DGKI: variants seen among roughly 807,000 people sequenced by gnomAD.
The protein encoded by DGKI is diacylglycerol kinase iota, also known as DAG kinase iota.
DGKI carries 55 observed loss-of-function variants against 147.5 expected under a neutral mutation model. The observed-to-expected ratio is 0.37, with a 90% CI of 0.30 to 0.47. The LOEUF is 0.47. Among genes scored for constraint, DGKI ranks in the 20% least tolerant of loss-of-function variants. The probability of loss-of-function intolerance (pLI) is 1.00; values close to 1 mark genes in which losing one functional copy is unlikely to be tolerated. For missense variants in DGKI, 1,007 were observed against 1,323.8 expected, an observed-to-expected ratio of 0.76 and a Z score of 3.71; for synonymous variants, 469 against 477.1, an observed-to-expected ratio of 0.98 and a Z score of 0.22.
At chr7:137,814,065 T>C (rs1797667532) in intron 1 of DGKI, among the ~76,000 whole-genome samples, 1 of 152,052 alleles carries the variant, frequency 6.6e-6, no homozygotes, top group African/African-American at 2.4e-5. Flanking sequence ...CGATCAATGG[T>C]TTGTCCTTTC....
Position 137,618,151 on chromosome 7 carries a change from A to ATATATATATATATATATATT in DGKI, c.993+1672_993+1673insAATATATATATATATATATA. Among the ~76,000 whole-genome samples, 4 of 10,460 alleles carry ATATATATATATATATATATT rather than the reference A, an allele frequency of 3.8e-4. 1 individual carries two copies. The highest frequency in any genetic ancestry group is 0.022 in the South Asian group (1 of 46). 6.9% of individuals were successfully genotyped at this position (10,460 alleles called of 152,430 possible). A position where few individuals can be genotyped will look rare whatever the true frequency, so the allele number is the denominator to read the frequency against. On this transcript the variant is annotated intron_variant, in intron 8 of 32. Coordinates refer to ENST00000614521, the MANE Select transcript of DGKI (RefSeq NM_001321708.2). Reference sequence around the variant, plus strand: ...ACTATATATATATATATATATATATATTTTTTTTTTTTTACTCTATCATTC... The same window carrying ATATATATATATATATATATT: ...ACTATATATATATATATATATATATATATATATATATATATATATTTTTTTTTTTTTTTACTCTATCATTC...
intron 27 of DGKI, among the ~76,000 whole-genome samples, chr7:137,455,629 T>A (rs1401095449): frequency 1.1e-4 from 8 of 71,980 alleles, no homozygotes; most frequent in African/African-American, 2.9e-4. Flanking sequence ...CCAGAAAAGT[T>A]AAAAAAAAAA....
intron 30 of DGKI, among the ~76,000 whole-genome samples, chr7:137,401,545 T>C (rs1811762137): frequency 6.6e-6 from 1 of 151,984 alleles, no homozygotes. Context: ...ATAAAGATAA[T>C]TGAATTCCTT....
intron 20 of DGKI, among the ~76,000 whole-genome samples, chr7:137,551,843 C>G (rs1037297485): frequency 6.6e-6 from 1 of 152,004 alleles, no homozygotes; most frequent in Non-Finnish European, 1.5e-5. Flanking sequence ...AGTTGAAGCC[C>G]CAGAGTATGG....
chr7:137,429,007 C>T (rs1429024027), intron 28 of DGKI, among the ~76,000 whole-genome samples: 2 of 151,696 alleles, frequency 1.3e-5, no homozygotes, highest in East Asian at 3.9e-4. Flanking sequence ...AATGCCATCC[C>T]CATCAAGCTA....
At chr7:137,704,587 G>A (rs1041230483) in intron 1 of DGKI, among the ~76,000 whole-genome samples, 2 of 152,096 alleles carry the variant, frequency 1.3e-5, no homozygotes, top group African/African-American at 4.8e-5. Flanking sequence ...GAGAAAAGGG[G>A]GCAAAAAGAA....
chr7:137,596,038 GAAAGA>G (rs372020748), intron 12 of DGKI, among the ~76,000 whole-genome samples: 1,579 of 112,340 alleles, frequency 0.014, 47 homozygotes, highest in African/African-American at 0.048. Context: ...AAAAAAGAAA[GAAAGA>G]AAAGAAAAGG....
intron 27 of DGKI, among the ~76,000 whole-genome samples, chr7:137,451,476 T>C (rs1167731153): frequency 1.3e-5 from 2 of 152,210 alleles, no homozygotes; most frequent in Non-Finnish European, 2.9e-5. Flanking sequence ...TTCAAAGCCT[T>C]TTATCTTTCT....
chr7:137,655,790 T>G (rs754294725), intron 4 of DGKI, among the ~76,000 whole-genome samples: 1 of 152,136 alleles, frequency 6.6e-6, no homozygotes, highest in Non-Finnish European at 1.5e-5. Context: ...CTCAAGAACA[T>G]AGATAATACA....
At chr7:137,827,058 A>G (rs1798078652) in intron 1 of DGKI, among the ~76,000 whole-genome samples, 1 of 152,176 alleles carries the variant, frequency 6.6e-6, no homozygotes, top group Admixed American at 6.5e-5. Flanking sequence ...CAGACAGAAC[A>G]GGGGTCCCCC....
intron 14 of DGKI, among the ~76,000 whole-genome samples, chr7:137,582,861 C>T (rs1451617999): frequency 6.6e-6 from 1 of 152,214 alleles, no homozygotes; most frequent in African/African-American, 2.4e-5. Flanking sequence ...TTCTGCGACT[C>T]AAGTGGAAGG....
chr7:137,562,615 T>C (rs1378971866), intron 19 of DGKI, among the ~76,000 whole-genome samples: 2 of 152,178 alleles, frequency 1.3e-5, no homozygotes, highest in Non-Finnish European at 2.9e-5. Context: ...AAATTACTTG[T>C]ATCCAGAATG....
At chr7:137,560,477 C>T (rs1818382624) in intron 19 of DGKI, among the ~76,000 whole-genome samples, 1 of 152,068 alleles carries the variant, frequency 6.6e-6, no homozygotes, top group Non-Finnish European at 1.5e-5. Flanking sequence ...AGCATAAATG[C>T]AAAGAAAACC....
chr7:137,471,237 G>A (rs1214565119), intron 23 of DGKI, among the ~76,000 whole-genome samples: 2 of 152,120 alleles, frequency 1.3e-5, no homozygotes, highest in Non-Finnish European at 2.9e-5. Flanking sequence ...GACACTGGGA[G>A]TCTGGCCCTT....
At chr7:137,634,107 A>G (rs190406350) in intron 6 of DGKI, among the ~76,000 whole-genome samples, 25 of 152,322 alleles carry the variant, frequency 1.6e-4, no homozygotes, top group African/African-American at 5.5e-4. Flanking sequence ...AGAAAAAATT[A>G]TTGCATTTCA....
At chr7:137,735,486 G>A (rs113191495) in intron 1 of DGKI, among the ~76,000 whole-genome samples, 6 of 152,182 alleles carry the variant, frequency 3.9e-5, no homozygotes, top group African/African-American at 1.4e-4. Context: ...AGATACTGGT[G>A]TACAAGCATT....
intron 1 of DGKI, among the ~76,000 whole-genome samples, chr7:137,844,566 G>T (rs956851555): frequency 2.6e-4 from 39 of 152,214 alleles, no homozygotes; most frequent in African/African-American, 6.5e-4. Flanking sequence ...AAAAGGAAAT[G>T]ATGTTCACGA....
chr7:137,597,797 A>G lies in DGKI; in HGVS notation c.1311+50T>C, dbSNP rs757277892. The G allele has an allele frequency of 8.3e-6, 13 of 1,562,344 alleles. No homozygotes were observed. In the South Asian group the frequency reaches 1.1e-4, roughly 14 times the overall value. On this transcript the variant is annotated intron_variant, in intron 12 of 32. Transcript: ENST00000614521. Reference sequence around the variant, plus strand: ...TAAAAAGAAGTGCCACAAGAAAACAATAAGAAAGATAGAATTGGCAGAGAA... The same window carrying G: ...TAAAAAGAAGTGCCACAAGAAAACAGTAAGAAAGATAGAATTGGCAGAGAA...
Position 137,585,406 on chromosome 7 carries a change from T to C in DGKI, c.1426-60A>G, listed in dbSNP as rs1046192991. The C allele has an allele frequency of 3.2e-6, 5 of 1,564,020 alleles. No homozygotes were observed. The African/African-American group carries it at 6.9e-5, about 21-fold the overall frequency. ...GAGTGGAGAACAGTGAAGCCAATGC[T>C]ATTTTACGCAAGGAAGAGCCAAGCC... On this transcript the variant is annotated intron_variant, in intron 13 of 32. Transcript: ENST00000614521.
Sources: allele counts gnomAD v4.1 joint callset (sites outside exome capture counted in the v4.1 genomes callset), GRCh38; gene constraint gnomAD v4.1.1; transcripts MANE v1.5; gene names NCBI Gene and HGNC (gene_info 2026-07-23, HGNC 2026-07-21).